The following PNPLA1 variants were observed in gnomAD, a reference collection of about 807,000 sequenced individuals.
The protein encoded by PNPLA1 is omega-hydroxyceramide transacylase.
Under a neutral mutation model 51.7 loss-of-function variants are expected in PNPLA1, and 36 were observed. The observed-to-expected ratio is 0.70, with a 90% CI of 0.53 to 0.92. PNPLA1 has a LOEUF of 0.92. PNPLA1 is among the 40% of genes least tolerant of loss of function. PNPLA1 has a pLI of 0.00. For missense variants in PNPLA1, 658 were observed against 682.5 expected, an observed-to-expected ratio of 0.96 and a Z score of 0.40; for synonymous variants, 293 against 280.1, an observed-to-expected ratio of 1.05 and a Z score of -0.46.
intron 8 of PNPLA1, chr6:36,308,638 C>A (rs987805571): frequency 6.6e-6 from 1 of 152,108 alleles, no homozygotes; most frequent in Non-Finnish European, 1.5e-5. Flanking sequence ...AACTTTAGAT[C>A]AAAGATAAGA....
At chr6:36,248,570 G>A (rs1482083458) in intron 1 of PNPLA1, among the ~76,000 whole-genome samples, 1 of 150,612 alleles carries the variant, frequency 6.6e-6, no homozygotes, top group African/African-American at 2.4e-5. Flanking sequence ...CGCCCAGGCT[G>A]GAGTGCAGTG....
chr6:36,291,491 G>T lies in PNPLA1; in HGVS notation c.377G>T (p.Arg126Leu), dbSNP rs768351117. ...TTGKLHVSLT[R>L]LTDGENVVVS... ...GGGAAGCTCCATGTGAGCCTCACCC[G>T]CTTAACGGACGGGGAGAATGTGGTG... Residue 126 changes from arginine to leucine, a missense_variant, in exon 2 of 9, where the codon CGC becomes CTC. Physicochemically the swap from Arg to Leu is moderately radical, Grantham distance 102. Transcript: ENST00000636260. 1.3e-6 allele frequency: 2 copies of T among 1,534,286 alleles called. No homozygotes were observed. The highest frequency in any genetic ancestry group is 1.8e-6 in the Non-Finnish European group (2 of 1,129,832).
chr6:36,301,910 G>A lies in PNPLA1; in HGVS notation c.825G>A (p.Val275=), dbSNP rs1013220255. ...CCAAGAGAGTGATTTTCCCCCGGGT[G>A]GAAGTGTACTGCCAGATAGAACTCG... The part of the protein sequence containing the change: ...SSSKRVIFPR[V]EVYCQIELAL... Residue 275 remains valine (V), a synonymous_variant, in exon 6 of 9, where the codon GTG becomes GTA. Coordinates refer to ENST00000636260, the MANE Select transcript of PNPLA1 (RefSeq NM_001374623.1). 8 of 1,614,224 alleles carry A rather than the reference G, an allele frequency of 5.0e-6. No homozygotes were observed. Among genetic ancestry groups the A allele is most frequent in the Non-Finnish European group, 6.8e-6 (8 of 1,180,044 alleles).
rs1053228909 is a variant in PNPLA1 at position 36,304,738 on chromosome 6, A to G, written c.1385-1554A>G. On this transcript the variant is annotated intron_variant, in intron 6 of 8. Transcript: ENST00000636260. ...TGTTTTACATTAACCACACCTGTGC[A>G]TGAAGGCGGCCATCTTCAGGTACCT... 1.8e-4 allele frequency among the ~76,000 whole-genome samples: 27 copies of G among 152,076 alleles called. 1 individual carries two copies. Among genetic ancestry groups the G allele is most frequent in the Non-Finnish European group, 3.1e-4 (21 of 67,998 alleles).
At chr6:36,300,509 C>T (rs1204111231) in intron 5 of PNPLA1, among the ~76,000 whole-genome samples, 1 of 152,128 alleles carries the variant, frequency 6.6e-6, no homozygotes, top group African/African-American at 2.4e-5. Context: ...ACAGAGTTGA[C>T]TATCGGTCAG....
At position 36,294,032 on chromosome 6, in the gene PNPLA1, C is replaced by A; in HGVS notation, c.505-158C>A. On this transcript the variant is annotated intron_variant, in intron 3 of 8. Transcript: ENST00000636260. This position sits in a 1 kb window ranked among gnomAD's most constrained non-coding sequence, Gnocchi z 4.2. ...TGACCAGGGGCACACCACGCACCCA[C>A]CAGGACCTCCGTCTCCAGGCTTATC... is the stretch of plus-strand genomic sequence containing the variant. 1.2e-6 allele frequency: 1 copy of A among 827,632 alleles called. No homozygotes were observed. The highest frequency in any genetic ancestry group is 1.9e-6 in the Non-Finnish European group (1 of 533,590). 51.3% of individuals were successfully genotyped at this position (827,632 alleles called of 1,614,324 possible).
intron 8 of PNPLA1, chr6:36,308,700 A>AT (rs980988605): frequency 6.3e-4 from 96 of 152,296 alleles, no homozygotes; most frequent in African/African-American, 2.2e-3. Flanking sequence ...CCAAGTTTTA[A>AT]TTTTTTTACC....
intron 6 of PNPLA1, 147 bp downstream of exon 6, chr6:36,302,616 C>A: frequency 8.9e-7 from 1 of 1,122,374 alleles, no homozygotes; most frequent in East Asian, 2.4e-5. Flanking sequence ...ATTATGAGGA[C>A]AGTCCGCCAC....
intron 1 of PNPLA1, among the ~76,000 whole-genome samples, chr6:36,257,490 G>A (rs1229479375): frequency 6.6e-6 from 1 of 152,176 alleles, no homozygotes; most frequent in African/African-American, 2.4e-5. Context: ...GAAGTTGACT[G>A]TGGCAAAATA....
intron 7 of PNPLA1, among the ~76,000 whole-genome samples, chr6:36,307,065 T>G (rs575683368): frequency 6.6e-6 from 1 of 152,182 alleles, no homozygotes; most frequent in Non-Finnish European, 1.5e-5. Context: ...CAAGGGTATT[T>G]CTCCCCACAA....
intron 5 of PNPLA1, among the ~76,000 whole-genome samples, chr6:36,297,383 C>T (rs1207141550): frequency 6.6e-6 from 1 of 152,132 alleles, no homozygotes; most frequent in Non-Finnish European, 1.5e-5. Context: ...TACTGAGAAA[C>T]TGCAGTTGGT....
chr6:36,264,521 T>A (rs1185737011), intron 1 of PNPLA1, among the ~76,000 whole-genome samples: 1 of 152,206 alleles, frequency 6.6e-6, no homozygotes, highest in East Asian at 1.9e-4. Flanking sequence ...ATAAAAAACA[T>A]GGAAGGGAAA....
At chr6:36,291,579 G>GGC in intron 2 of PNPLA1, 27 bp downstream of exon 2, 3 of 103,656 alleles carry the variant, frequency 2.9e-5, no homozygotes, top group Non-Finnish European at 3.9e-5. Context: ...GGGAGGGAGG[G>GGC]ACACGGAGGG....
intron 1 of PNPLA1, among the ~76,000 whole-genome samples, chr6:36,273,818 G>A (rs981838565): frequency 3.3e-5 from 5 of 149,318 alleles, no homozygotes; most frequent in African/African-American, 1.2e-4. Context: ...GAATACTGCT[G>A]CAAACCTACT....
intron 7 of PNPLA1, 41 bp downstream of exon 7, chr6:36,306,417 G>A (rs1034468211): frequency 1.5e-5 from 23 of 1,548,942 alleles, no homozygotes; most frequent in Admixed American, 9.5e-5. Flanking sequence ...TCCTTTGGAC[G>A]GAAGAAGCAA....
intron 5 of PNPLA1, among the ~76,000 whole-genome samples, chr6:36,297,772 G>A (rs959444283): frequency 2.0e-4 from 31 of 152,092 alleles, no homozygotes; most frequent in African/African-American, 7.5e-4. Context: ...TATCCATCCG[G>A]CATTCAGGCA....
intron 5 of PNPLA1, 86 bp from the exon 6 acceptor site, chr6:36,301,775 T>C: frequency 1.3e-6 from 2 of 1,492,716 alleles, no homozygotes; most frequent in South Asian, 2.6e-5. Context: ...CTGTTCCTGT[T>C]TAGGAAAATA....
intron 5 of PNPLA1, among the ~76,000 whole-genome samples, chr6:36,296,032 T>G (rs1209230837): frequency 6.6e-6 from 1 of 152,206 alleles, no homozygotes; most frequent in Non-Finnish European, 1.5e-5. Flanking sequence ...TGAACAGGAC[T>G]GGGTGTGGTG....
intron 1 of PNPLA1, among the ~76,000 whole-genome samples, chr6:36,255,686 TAAA>T (rs10711951): frequency 6.8e-6 from 1 of 147,494 alleles, no homozygotes; most frequent in Non-Finnish European, 1.5e-5. Context: ...AAACTCCGTC[TAAA>T]AAAAAAAAAA....
Sources: allele counts gnomAD v4.1 joint callset (sites outside exome capture counted in the v4.1 genomes callset), GRCh38; gene constraint gnomAD v4.1.1; non-coding constraint Gnocchi (gnomAD v3.1); transcripts MANE v1.5; gene names NCBI Gene and HGNC (gene_info 2026-07-23, HGNC 2026-07-21).